The following SUCLG2 variants were observed in gnomAD, a reference collection of about 807,000 sequenced individuals.
The protein encoded by SUCLG2 is succinate-CoA ligase GDP-forming subunit beta.
SUCLG2 carries 42 observed loss-of-function variants against 47.9 expected under a neutral mutation model. The observed-to-expected ratio is 0.88, with a 90% CI of 0.69 to 1.14. SUCLG2 has a LOEUF of 1.14. SUCLG2 is among the 50% of genes most tolerant of loss of function. The probability of loss-of-function intolerance (pLI) is 0.00; values close to 1 mark genes in which losing one functional copy is unlikely to be tolerated. For missense variants in SUCLG2, 571 were observed against 525.9 expected (o/e 1.09, Z -0.84); for synonymous variants, 195 against 197.3 (o/e 0.99, Z 0.10).
At chr3:67,497,730 C>G (rs1344748898) in intron 8 of SUCLG2, among the ~76,000 whole-genome samples, 1 of 152,204 alleles carries the variant, frequency 6.6e-6, no homozygotes, top group African/African-American at 2.4e-5. Flanking sequence ...TGTTTTAAGT[C>G]AATATTTCTC....
intron 2 of SUCLG2, among the ~76,000 whole-genome samples, chr3:67,581,545 G>A (rs771512110): frequency 9.2e-5 from 14 of 152,206 alleles, no homozygotes; most frequent in Non-Finnish European, 1.8e-4. Flanking sequence ...TATTTACTGA[G>A]CACTTTCCTG....
chr3:67,520,451 T>C (rs747632880), intron 5 of SUCLG2, 31 bp downstream of exon 5: 8 of 1,613,652 alleles, frequency 5.0e-6, no homozygotes, highest in Admixed American at 1.7e-5. Context: ...AACAATCAAT[T>C]AATAGCAGGT....
intron 10 of SUCLG2, among the ~76,000 whole-genome samples, chr3:67,379,984 G>C (rs889530887): frequency 2.0e-5 from 3 of 152,136 alleles, no homozygotes; most frequent in East Asian, 1.9e-4. Flanking sequence ...CCCAATATCC[G>C]TTAGCTAGCA....
intron 2 of SUCLG2, among the ~76,000 whole-genome samples, chr3:67,577,146 T>C (rs950460660): frequency 6.6e-6 from 1 of 152,030 alleles, no homozygotes; most frequent in African/African-American, 2.4e-5. Context: ...TCATCTCTAC[T>C]AAAAAGTACA....
intron 9 of SUCLG2, chr3:67,409,174 G>C: frequency 1.1e-6 from 1 of 928,042 alleles, no homozygotes; most frequent in Middle Eastern, 2.9e-4. Context: ...TTCCTAGTTA[G>C]ATGGGGCTGG....
chr3:67,448,920 A>C (rs1244034439), intron 9 of SUCLG2, among the ~76,000 whole-genome samples: 1 of 152,194 alleles, frequency 6.6e-6, no homozygotes, highest in Non-Finnish European at 1.5e-5. Context: ...AAAACTTTTG[A>C]ATTCCATTGA....
Position 67,375,823 on chromosome 3 carries a change from T to C in SUCLG2, c.1220A>G (p.Asn407Ser). ...NVQEAQKILNNSGLPITSAID... is the reference protein window; with the variant it reads ...NVQEAQKILNSSGLPITSAID... ...GGCTGAAGTAATGGGGAGTCCGCTG[T>C]TGTTGAGTATCTTCTGGGCCTCTTG... The change falls in exon 11 of 11, where the codon AAC (asparagine) becomes AGC (serine). Residue 407 changes from asparagine (N) to serine (S), a missense_variant. Asn to Ser is a conservative substitution (Grantham distance 46). Coordinates refer to ENST00000307227, the MANE Select transcript of SUCLG2 (RefSeq NM_003848.4). The C allele has an allele frequency of 1.2e-6, 2 of 1,613,964 alleles. No homozygotes were observed. The highest frequency in any genetic ancestry group is 4.5e-5 in the East Asian group (2 of 44,878).
At chr3:67,490,516 G>A (rs536214364) in intron 9 of SUCLG2, among the ~76,000 whole-genome samples, 3 of 152,292 alleles carry the variant, frequency 2.0e-5, no homozygotes, top group Non-Finnish European at 2.9e-5. Flanking sequence ...GGTTGTCTGA[G>A]TAGAGAATCA....
intron 9 of SUCLG2, among the ~76,000 whole-genome samples, chr3:67,416,791 G>A (rs903718638): frequency 1.3e-5 from 2 of 152,078 alleles, no homozygotes; most frequent in Non-Finnish European, 2.9e-5. Flanking sequence ...ACCCTCCAAA[G>A]TTCTGATTGT....
chr3:67,383,598 C>G (rs907568757), intron 10 of SUCLG2, among the ~76,000 whole-genome samples: 4 of 152,168 alleles, frequency 2.6e-5, no homozygotes, highest in African/African-American at 9.7e-5. Context: ...GAGCCCCCAG[C>G]TCCAGTGGCA....
intron 2 of SUCLG2, among the ~76,000 whole-genome samples, chr3:67,591,013 C>T (rs965347201): frequency 6.6e-6 from 1 of 152,140 alleles, no homozygotes; most frequent in Admixed American, 6.5e-5. Flanking sequence ...TATCTCATCT[C>T]CTATTTAGTC....
chr3:67,375,912 T>A (rs1446613772), intron 10 of SUCLG2, 53 bp from the exon 11 acceptor site: 2 of 1,584,450 alleles, frequency 1.3e-6, no homozygotes, highest in Non-Finnish European at 1.7e-6. Context: ...TGGCGCCTTA[T>A]GAAGTTTGCA....
chr3:67,583,782 A>C (rs1222108460), intron 2 of SUCLG2, among the ~76,000 whole-genome samples: 1 of 152,244 alleles, frequency 6.6e-6, no homozygotes, highest in African/African-American at 2.4e-5. Context: ...ACAATGGTAC[A>C]TCAAATCCTT....
chr3:67,570,032 G>T (rs1353369298), intron 2 of SUCLG2, among the ~76,000 whole-genome samples: 1 of 152,108 alleles, frequency 6.6e-6, no homozygotes, highest in East Asian at 1.9e-4. Flanking sequence ...CATTAGGAAG[G>T]GACCTAATCC....
chr3:67,415,535 C>T (rs1266748653), intron 9 of SUCLG2, among the ~76,000 whole-genome samples: 1 of 152,214 alleles, frequency 6.6e-6, no homozygotes, highest in African/African-American at 2.4e-5. Context: ...CTAAGCCACA[C>T]ATTTGATAAT....
chr3:67,588,889 T>C (rs1369213611), intron 2 of SUCLG2, among the ~76,000 whole-genome samples: 1 of 152,220 alleles, frequency 6.6e-6, no homozygotes, highest in African/African-American at 2.4e-5. Context: ...TGTTAAGTAC[T>C]GAATTTGATC....
intron 2 of SUCLG2, among the ~76,000 whole-genome samples, chr3:67,583,123 C>G (rs1707924718): frequency 6.6e-6 from 1 of 152,136 alleles, no homozygotes; most frequent in Admixed American, 6.5e-5. Flanking sequence ...CCCACTGAGA[C>G]TCACCAGTGG....
At chr3:67,652,750 T>C (rs1430913619) in intron 1 of SUCLG2, among the ~76,000 whole-genome samples, 2 of 152,354 alleles carry the variant, frequency 1.3e-5, no homozygotes, top group East Asian at 3.9e-4. Context: ...GCCTTTACTC[T>C]GGAATGCCAC....
chr3:67,642,931 T>C (rs918472472), intron 1 of SUCLG2, among the ~76,000 whole-genome samples: 6 of 151,584 alleles, frequency 4.0e-5, no homozygotes, highest in Admixed American at 1.3e-4. Context: ...TGTGTGTGTG[T>C]GTGTGTGTGT....
Sources: allele counts gnomAD v4.1 joint callset (sites outside exome capture counted in the v4.1 genomes callset), GRCh38; gene constraint gnomAD v4.1.1; transcripts MANE v1.5; gene names NCBI Gene and HGNC (gene_info 2026-07-23, HGNC 2026-07-21).